Variants in RABL3 observed in about 807,000 individuals in gnomAD.
RABL3 encodes rab-like protein 3.
A neutral mutation model predicts 31.8 loss-of-function variants in RABL3; 31 were observed. That is an observed-to-expected ratio of 0.97 (90% CI 0.73 to 1.31). RABL3 has a LOEUF of 1.31. Among genes scored for constraint, RABL3 ranks in the 40% most tolerant of loss-of-function variants. The pLI, the probability that RABL3 is intolerant of heterozygous loss-of-function variation, is 0.00. For missense variants in RABL3, 263 were observed against 279.6 expected (o/e 0.94, Z 0.42); for synonymous variants, 97 against 99.9 (o/e 0.97, Z 0.18).
intron 1 of RABL3, 42 bp from the exon 2 acceptor site, chr3:120,730,829 C>G (rs753359586): frequency 1.5e-6 from 2 of 1,340,814 alleles, no homozygotes; most frequent in East Asian, 4.6e-5. Context: ...AGAGACAAGG[C>G]TGAAATCTGT....
chr3:120,723,750 C>G (rs924104508), intron 2 of RABL3, among the ~76,000 whole-genome samples: 35 of 152,218 alleles, frequency 2.3e-4, no homozygotes, highest in Non-Finnish European at 4.0e-4. Flanking sequence ...ATTCAACAAC[C>G]CTTCATGCTA....
At chr3:120,735,232 G>A (rs1264045573) in intron 1 of RABL3, among the ~76,000 whole-genome samples, 1 of 152,128 alleles carries the variant, frequency 6.6e-6, no homozygotes, top group East Asian at 1.9e-4. Context: ...GCCTGTTATT[G>A]GTCTATTCAG....
intron 5 of RABL3, among the ~76,000 whole-genome samples, chr3:120,696,243 T>C (rs1161367179): frequency 6.6e-6 from 1 of 152,248 alleles, no homozygotes; most frequent in Non-Finnish European, 1.5e-5. Context: ...TGTTAATTCT[T>C]ACTTTTCTAC....
At chr3:120,690,972 G>C (rs558339438) in intron 6 of RABL3, among the ~76,000 whole-genome samples, 1 of 152,086 alleles carries the variant, frequency 6.6e-6, no homozygotes, top group Non-Finnish European at 1.5e-5. Flanking sequence ...CCTCAATATA[G>C]ACAGATGACA....
rs1209611115 is a variant in RABL3, at chr3:120,689,001, CAAAT to C, written c.*818_*821del. On this transcript the variant is annotated 3_prime_UTR_variant, in exon 8 of 8. Transcript: ENST00000273375. The stretch of plus-strand genomic sequence containing the variant: ...AGGAGTTGACTTTTCCTTAAAAAAA[CAAAT>C]AGAGAGGAGGCTGTAAATGTCTCTC... The C allele has an allele frequency of 1.3e-5, 2 of 152,026 alleles. No homozygotes were observed. The highest frequency in any genetic ancestry group is 2.4e-5 in the African/African-American group (1 of 41,398). 9.4% of individuals were successfully genotyped at this position (152,026 alleles called of 1,614,324 possible).
chr3:120,690,350 A>T, intron 7 of RABL3, 99 bp downstream of exon 7: 1 of 808,584 alleles, frequency 1.2e-6, no homozygotes, highest in Non-Finnish European at 2.1e-6. Flanking sequence ...GTGCCTATAA[A>T]GGGCTTTCCC....
At chr3:120,732,961 A>C (rs903255038) in intron 1 of RABL3, among the ~76,000 whole-genome samples, 5 of 152,092 alleles carry the variant, frequency 3.3e-5, no homozygotes, top group African/African-American at 7.2e-5. Flanking sequence ...CCAGTCTATC[A>C]TTGATGGACA....
At chr3:120,697,733 A>G (rs1325699807) in intron 5 of RABL3, among the ~76,000 whole-genome samples, 2 of 152,172 alleles carry the variant, frequency 1.3e-5, no homozygotes, top group Non-Finnish European at 2.9e-5. Flanking sequence ...TTTTTCATGT[A>G]TTTGTTACGT....
At chr3:120,690,628 T>A in intron 6 of RABL3, 141 bp from the exon 7 acceptor site, 1 of 568,706 alleles carries the variant, frequency 1.8e-6, no homozygotes, top group Non-Finnish European at 3.2e-6. Context: ...TACAGTCAGC[T>A]AAAAATCTGG....
At chr3:120,724,460 C>T (rs1708791131) in intron 2 of RABL3, among the ~76,000 whole-genome samples, 1 of 152,198 alleles carries the variant, frequency 6.6e-6, no homozygotes, top group Non-Finnish European at 1.5e-5. Flanking sequence ...CTTTAAAGTT[C>T]ATATGGAACC....
At chr3:120,690,913 A>G (rs1708372686) in intron 6 of RABL3, among the ~76,000 whole-genome samples, 1 of 152,182 alleles carries the variant, frequency 6.6e-6, no homozygotes, top group South Asian at 2.1e-4. Context: ...ACTGTTTAAC[A>G]TAGCAAACCA....
In RABL3 at chr3:120,698,403, G is replaced by A. The variant is rs1323401511; in HGVS notation, c.534+20C>T. 7 of 1,600,584 alleles carry A rather than the reference G, an allele frequency of 4.4e-6. No homozygotes were observed. The highest frequency in any genetic ancestry group is 1.7e-5 in the Admixed American group (1 of 59,186). On this transcript the variant is annotated intron_variant, in intron 5 of 7. Coordinates refer to ENST00000273375, the MANE Select transcript of RABL3 (RefSeq NM_173825.5). ...CTTTACCCGATAATAATACAAGCAT[G>A]CATTAGTGAAAATACATACCAAATT...
chr3:120,690,489 T>C lies in RABL3; in HGVS notation c.607-2A>G. On this transcript the variant is annotated splice_acceptor_variant, in intron 6 of 7. Coordinates refer to ENST00000273375, the MANE Select transcript of RABL3 (RefSeq NM_173825.5). LOFTEE classifies it high-confidence loss of function. ...TAAAAAGTATCTCTTCTCTATGACC[T>C]GTGAAAAACAAAGATTTTAAAGGCT... 1.2e-6 allele frequency: 2 copies of C among 1,602,704 alleles called. No homozygotes were observed. Among genetic ancestry groups the C allele is most frequent in the Non-Finnish European group, 8.5e-7 (1 of 1,170,252 alleles).
At chr3:120,728,663 T>A in intron 2 of RABL3, among the ~76,000 whole-genome samples, 1 of 152,096 alleles carries the variant, frequency 6.6e-6, no homozygotes, top group Non-Finnish European at 1.5e-5. Flanking sequence ...GTAACTAACC[T>A]GCACATTGTG....
chr3:120,692,104 A>G (rs540710788), intron 6 of RABL3, among the ~76,000 whole-genome samples: 22 of 152,354 alleles, frequency 1.4e-4, no homozygotes, highest in African/African-American at 5.0e-4. Flanking sequence ...TCTCTATGGC[A>G]GGACAGGAAA....
intron 5 of RABL3, among the ~76,000 whole-genome samples, 192 bp downstream of exon 5, chr3:120,698,231 A>T (rs543250669): frequency 7.9e-5 from 12 of 152,200 alleles, no homozygotes; most frequent in Non-Finnish European, 1.3e-4. Flanking sequence ...GACCAACATA[A>T]AAGGCTGAAG....
Position 120,706,587 on chromosome 3 carries a change from A to C in RABL3, c.269-473T>G, listed in dbSNP as rs547649352. Among the ~76,000 whole-genome samples, 5 of 111,648 alleles carry C rather than the reference A, an allele frequency of 4.5e-5. No homozygotes were observed. The South Asian group carries it at 1.2e-3, about 27-fold the overall frequency. 73.2% of individuals were successfully genotyped at this position (111,648 alleles called of 152,430 possible). A position where few individuals can be genotyped will look rare whatever the true frequency, so the allele number is the denominator to read the frequency against. Reference sequence around the variant, plus strand: ...CTAAAAGTAATATTAGGTAATGAAAATCTACTAAAATAGTACTGATTTGAT... The same window carrying C: ...CTAAAAGTAATATTAGGTAATGAAACTCTACTAAAATAGTACTGATTTGAT... On this transcript the variant is annotated intron_variant, in intron 3 of 7. Coordinates refer to ENST00000273375, the MANE Select transcript of RABL3 (RefSeq NM_173825.5).
intron 1 of RABL3, among the ~76,000 whole-genome samples, chr3:120,731,806 C>T (rs1708886743): frequency 6.6e-6 from 1 of 152,088 alleles, no homozygotes; most frequent in Non-Finnish European, 1.5e-5. Flanking sequence ...ACTCCCAGTG[C>T]TTTGGGAGGC....
intron 2 of RABL3, among the ~76,000 whole-genome samples, chr3:120,711,337 G>A (rs1708610452): frequency 6.6e-6 from 1 of 152,004 alleles, no homozygotes; most frequent in Admixed American, 6.6e-5. Context: ...TTGCCAACAA[G>A]TTCTGCTTCT....
Sources: allele counts gnomAD v4.1 joint callset (sites outside exome capture counted in the v4.1 genomes callset), GRCh38; gene constraint gnomAD v4.1.1; transcripts MANE v1.5; gene names NCBI Gene and HGNC (gene_info 2026-07-23, HGNC 2026-07-21).